Variants in GLP1R observed in about 807,000 individuals in gnomAD.
The protein encoded by GLP1R is glucagon like peptide 1 receptor.
In GLP1R, 32 loss-of-function variants were observed where a neutral mutation model predicts 68.4. The observed-to-expected ratio is 0.47, with a 90% CI of 0.35 to 0.63. GLP1R has a LOEUF of 0.63. Ranked by LOEUF, GLP1R falls within the 20% of genes least tolerant of loss-of-function variation. The pLI, the probability that GLP1R is intolerant of heterozygous loss-of-function variation, is 0.00. For synonymous variants in GLP1R, 263 were observed against 244.4 expected (o/e 1.08, Z -0.71); for missense variants, 502 against 594.9 (o/e 0.84, Z 1.62).
In GLP1R at chr6:39,079,613, G is replaced by A. The variant is rs199641766; in HGVS notation, c.1093G>A (p.Val365Ile). Residue 365 changes from valine (V) to isoleucine (I), a missense_variant, in exon 11 of 13, where the codon GTC becomes ATC. Transcript: ENST00000373256. This position sits in a 1 kb window ranked among gnomAD's most constrained non-coding sequence, Gnocchi z 4.5. ...TLIPLLGTHE[V>I]IFAFVMDEHA... ...CATCCCCCTGCTGGGGACTCATGAG[G>A]TCATCTTTGCCTTTGTGATGGACGA... 9 of 1,611,058 alleles carry A rather than the reference G, an allele frequency of 5.6e-6. No homozygotes were observed. The highest frequency in any genetic ancestry group is 6.8e-6 in the Non-Finnish European group (8 of 1,178,868).
chr6:39,049,794 GA>G lies in GLP1R; in HGVS notation c.78+877del, dbSNP rs371546060. Among the ~76,000 whole-genome samples, 92 of 152,304 alleles carry G rather than the reference GA, an allele frequency of 6.0e-4. No individual in the cohort carries two copies. The East Asian group carries it at 0.017, about 28-fold the overall frequency. Reference sequence around the variant, plus strand: ...TCCTGCCCTGGGATCCTGGGCTAGGGACAGTGGTCAGCTGCTTTTGAAGAGG... The same window carrying G: ...TCCTGCCCTGGGATCCTGGGCTAGGGCAGTGGTCAGCTGCTTTTGAAGAGG... On this transcript the variant is annotated intron_variant, in intron 1 of 12. Transcript: ENST00000373256. The surrounding 1 kb of genome is among the most constrained non-coding windows in gnomAD (Gnocchi z 4.5).
chr6:39,059,076 G>A (rs1018816935), intron 3 of GLP1R, among the ~76,000 whole-genome samples: 1 of 152,162 alleles, frequency 6.6e-6, no homozygotes, highest in Non-Finnish European at 1.5e-5. Flanking sequence ...CTGTCTCCTT[G>A]TCCACACTCA....
chr6:39,073,116 G>C, intron 6 of GLP1R, 101 bp downstream of exon 6: 2 of 1,141,542 alleles, frequency 1.8e-6, no homozygotes, highest in Non-Finnish European at 2.5e-6. Flanking sequence ...GACAAGAGCC[G>C]AACAGTCCTG....
rs1159905829 is a variant in GLP1R, at chr6:39,049,164, G to T, written c.78+246G>T. 6.6e-6 allele frequency among the ~76,000 whole-genome samples: 1 copy of T among 152,090 alleles called. No individual in the cohort carries two copies. The highest frequency in any genetic ancestry group is 1.5e-5 in the Non-Finnish European group (1 of 67,992). ...CGAGGCGCCCTCTTCCTCGCCACCCGGGTCCCTCTGCCCGGGCACCCGCTG... is the reference window on the plus strand; with the variant it reads ...CGAGGCGCCCTCTTCCTCGCCACCCTGGTCCCTCTGCCCGGGCACCCGCTG... On this transcript the variant is annotated intron_variant, in intron 1 of 12. Transcript: ENST00000373256. The surrounding 1 kb of genome is among the most constrained non-coding windows in gnomAD (Gnocchi z 4.5).
At chr6:39,084,500 G>A (rs1010852646) in intron 12 of GLP1R, among the ~76,000 whole-genome samples, 1 of 152,108 alleles carries the variant, frequency 6.6e-6, no homozygotes. Context: ...CCTCTCCAGC[G>A]GAAGGGCTAT....
At chr6:39,054,872 C>G (rs774732899) in intron 1 of GLP1R, among the ~76,000 whole-genome samples, 11 of 152,236 alleles carry the variant, frequency 7.2e-5, no homozygotes, top group Admixed American at 1.3e-4. Context: ...GGTTGATCCA[C>G]CAGGACTTGC....
chr6:39,078,443 A>G (rs1436561600), intron 8 of GLP1R, 61 bp downstream of exon 8: 1 of 1,145,736 alleles, frequency 8.7e-7, no homozygotes, highest in East Asian at 2.3e-5. Flanking sequence ...GGTCCATGGG[A>G]TTCCTTGGTA....
chr6:39,064,606 G>A (rs192822576), intron 3 of GLP1R, among the ~76,000 whole-genome samples: 1 of 152,098 alleles, frequency 6.6e-6, no homozygotes, highest in East Asian at 1.9e-4. Flanking sequence ...TTCCCCTACA[G>A]AGAGGCCAGG....
intron 5 of GLP1R, among the ~76,000 whole-genome samples, chr6:39,069,309 G>A (rs572085947): frequency 1.3e-5 from 2 of 152,194 alleles, no homozygotes; most frequent in East Asian, 3.9e-4. Flanking sequence ...CCATTATTAT[G>A]TTCACAACCA....
Position 39,050,572 on chromosome 6 carries a change from G to A in GLP1R, c.78+1654G>A, listed in dbSNP as rs546372664. ...ATTGGGGTGGTAGAGAAGGATAGGA[G>A]GGGACAGGTCCTAGCAGGGAGGGGA... On this transcript the variant is annotated intron_variant, in intron 1 of 12. Coordinates refer to ENST00000373256, the MANE Select transcript of GLP1R (RefSeq NM_002062.5). Among the ~76,000 whole-genome samples, 12 of 152,286 alleles carry A rather than the reference G, an allele frequency of 7.9e-5. No homozygotes were observed. In the East Asian group the frequency reaches 1.9e-3, roughly 25 times the overall value.
intron 5 of GLP1R, among the ~76,000 whole-genome samples, chr6:39,071,837 A>G (rs1436863261): frequency 1.3e-5 from 2 of 152,162 alleles, no homozygotes; most frequent in East Asian, 3.8e-4. Flanking sequence ...TAGAATTTTT[A>G]TGAATACGGA....
intron 3 of GLP1R, 78 bp downstream of exon 3, chr6:39,057,657 G>C: frequency 1.2e-6 from 1 of 815,232 alleles, no homozygotes; most frequent in South Asian, 1.5e-5. Context: ...ATCTGCCCTG[G>C]GCCAGCAGTG....
chr6:39,064,793 G>A (rs1446339540), intron 3 of GLP1R, among the ~76,000 whole-genome samples: 2 of 152,210 alleles, frequency 1.3e-5, no homozygotes, highest in African/African-American at 4.8e-5. Flanking sequence ...TGCAGGGCCT[G>A]TGTTTGATCT....
At chr6:39,075,645 G>A (rs1053120302) in intron 7 of GLP1R, among the ~76,000 whole-genome samples, 2 of 152,192 alleles carry the variant, frequency 1.3e-5, no homozygotes, top group Admixed American at 6.5e-5. Context: ...GGATTGGGGT[G>A]GGGGAGACGG....
intron 3 of GLP1R, among the ~76,000 whole-genome samples, chr6:39,064,083 A>G (rs1768432541): frequency 6.7e-6 from 1 of 149,652 alleles, no homozygotes; most frequent in Admixed American, 6.7e-5. Context: ...AACTCACTAC[A>G]ACCTCCTCCT....
At chr6:39,084,850 G>A (rs1769105340) in intron 12 of GLP1R, among the ~76,000 whole-genome samples, 1 of 152,206 alleles carries the variant, frequency 6.6e-6, no homozygotes, top group Non-Finnish European at 1.5e-5. Flanking sequence ...AGGAGGAGAG[G>A]AGGGTTGTTT....
intron 12 of GLP1R, among the ~76,000 whole-genome samples, chr6:39,081,566 C>G (rs972224011): frequency 2.6e-5 from 4 of 152,160 alleles, no homozygotes; most frequent in African/African-American, 9.7e-5. Context: ...CCCCTTCCAC[C>G]AAGGTACTCA....
chr6:39,086,009 T>C lies in GLP1R; in HGVS notation c.1328T>C (p.Leu443Pro), dbSNP rs763589430. Residue 443 changes from leucine to proline, a missense_variant, in exon 13 of 13, where the codon CTG becomes CCG. Physicochemically the swap from Leu to Pro is moderately conservative, Grantham distance 98. Transcript: ENST00000373256. This position sits in a 1 kb window ranked among gnomAD's most constrained non-coding sequence, Gnocchi z 4.5. ...MKPLKCPTSS[L>P]SSGATAGSSM... is the part of the protein sequence containing the mutation. ...CCCCTCAAGTGTCCCACCAGCAGCC[T>C]GAGCAGTGGAGCCACGGCGGGCAGC... 34 of 1,613,924 alleles carry C rather than the reference T, an allele frequency of 2.1e-5. No individual in the cohort carries two copies. Among genetic ancestry groups the C allele is most frequent in the Non-Finnish European group, 2.9e-5 (34 of 1,179,962 alleles).
At chr6:39,073,531 T>C (rs1768728860) in intron 6 of GLP1R, 79 bp from the exon 7 acceptor site, 14 of 1,250,898 alleles carry the variant, frequency 1.1e-5, no homozygotes, top group African/African-American at 1.5e-5. Context: ...GGATAGTGGC[T>C]GGAGCAGGAC....
Sources: allele counts gnomAD v4.1 joint callset (sites outside exome capture counted in the v4.1 genomes callset), GRCh38; gene constraint gnomAD v4.1.1; non-coding constraint Gnocchi (gnomAD v3.1); transcripts MANE v1.5; gene names NCBI Gene and HGNC (gene_info 2026-07-23, HGNC 2026-07-21).